The following NELL1 variants were observed in gnomAD, a reference collection of about 807,000 sequenced individuals.
The protein encoded by NELL1 is protein kinase C-binding protein NELL1.
NELL1 carries 76 observed loss-of-function variants against 107.4 expected under a neutral mutation model. The observed-to-expected ratio is 0.71, with a 90% CI of 0.59 to 0.86. The LOEUF is 0.86. NELL1 is among the 40% of genes least tolerant of loss of function. NELL1 has a pLI of 0.00. For synonymous variants in NELL1, 353 were observed against 341.2 expected (o/e 1.03, Z -0.38); for missense variants, 1,024 against 1,005.5 (o/e 1.02, Z -0.25).
chr11:20,731,608 G>A (rs1475041688), intron 2 of NELL1, among the ~76,000 whole-genome samples: 2 of 152,220 alleles, frequency 1.3e-5, no homozygotes, highest in African/African-American at 2.4e-5. Context: ...TTGGGATTAT[G>A]TGTGCATAGT....
At chr11:21,232,107 C>T (rs1039790712) in intron 14 of NELL1, among the ~76,000 whole-genome samples, 1 of 146,082 alleles carries the variant, frequency 6.8e-6, no homozygotes, top group Non-Finnish European at 1.5e-5. Flanking sequence ...CTAGACCAGC[C>T]TGGCCAACAT....
intron 14 of NELL1, among the ~76,000 whole-genome samples, chr11:21,293,371 T>G (rs900536878): frequency 2.0e-5 from 3 of 152,016 alleles, no homozygotes; most frequent in Non-Finnish European, 4.4e-5. Context: ...CAAATCAAGA[T>G]CACAGTGAGA....
In NELL1 at chr11:21,186,800, G is replaced by A. The variant is rs143261899; in HGVS notation, c.1427-42532G>A. On this transcript the variant is annotated intron_variant, in intron 13 of 19. Coordinates refer to ENST00000357134, the MANE Select transcript of NELL1 (RefSeq NM_006157.5). ...AAATAGAGGGAAATGAATAAGTAGTGGATTGTTTGATACCATGTAGGAGAA... is the reference window on the plus strand; with the variant it reads ...AAATAGAGGGAAATGAATAAGTAGTAGATTGTTTGATACCATGTAGGAGAA... Among the ~76,000 whole-genome samples the A allele has an allele frequency of 2.0e-5, 3 of 151,886 alleles. No homozygotes were observed. The East Asian group carries it at 5.8e-4, about 29-fold the overall frequency.
At chr11:20,918,571 A>G (rs1273811173) in intron 6 of NELL1, among the ~76,000 whole-genome samples, 1 of 152,036 alleles carries the variant, frequency 6.6e-6, no homozygotes. Flanking sequence ...AAGGCAAAAC[A>G]GGAGCAAAGT....
intron 15 of NELL1, among the ~76,000 whole-genome samples, chr11:21,404,116 T>C (rs1385394235): frequency 6.8e-6 from 1 of 146,810 alleles, no homozygotes. Context: ...CATGTGACAG[T>C]CAAGCAACTT....
intron 13 of NELL1, among the ~76,000 whole-genome samples, chr11:21,161,614 C>A (rs1321594048): frequency 6.6e-6 from 1 of 151,994 alleles, no homozygotes; most frequent in African/African-American, 2.4e-5. Context: ...ACAGGACTGA[C>A]CAAATATAAT....
intron 2 of NELL1, among the ~76,000 whole-genome samples, chr11:20,737,244 A>C (rs1590246667): frequency 6.6e-6 from 1 of 152,206 alleles, no homozygotes; most frequent in African/African-American, 2.4e-5. Context: ...CTCCTTTAAA[A>C]ATAACCAGAG....
At chr11:21,541,313 A>G (rs915746163) in intron 16 of NELL1, among the ~76,000 whole-genome samples, 2 of 152,092 alleles carry the variant, frequency 1.3e-5, no homozygotes, top group Non-Finnish European at 2.9e-5. Flanking sequence ...CTCTCAGGCC[A>G]CTGTAAATGG....
chr11:21,093,170 T>C (rs1854560087), intron 12 of NELL1, among the ~76,000 whole-genome samples: 1 of 152,152 alleles, frequency 6.6e-6, no homozygotes, highest in Non-Finnish European at 1.5e-5. Context: ...ACTGTGGATT[T>C]GGGAAGACAT....
intron 15 of NELL1, among the ~76,000 whole-genome samples, chr11:21,476,460 A>G (rs746639741): frequency 2.6e-5 from 4 of 152,216 alleles, no homozygotes; most frequent in Non-Finnish European, 5.9e-5. Context: ...TCACTTCTCT[A>G]AAAGATAATT....
intron 14 of NELL1, among the ~76,000 whole-genome samples, chr11:21,368,256 A>T (rs183850108): frequency 6.6e-6 from 1 of 152,112 alleles, no homozygotes; most frequent in African/African-American, 2.4e-5. Flanking sequence ...GAGAAATGTG[A>T]CTAGTCTCAG....
intron 12 of NELL1, among the ~76,000 whole-genome samples, chr11:21,066,363 C>T (rs954406093): frequency 6.6e-5 from 10 of 152,120 alleles, no homozygotes; most frequent in African/African-American, 2.4e-4. Flanking sequence ...TCTTCTCTTA[C>T]TGTATTAGTG....
chr11:20,866,799 G>C (rs1849103231), intron 4 of NELL1, among the ~76,000 whole-genome samples: 2 of 152,146 alleles, frequency 1.3e-5, no homozygotes, highest in South Asian at 4.1e-4. Flanking sequence ...TCAGTTACCT[G>C]TTTACAATTT....
intron 14 of NELL1, among the ~76,000 whole-genome samples, chr11:21,315,869 G>C (rs1849868422): frequency 1.1e-5 from 1 of 95,154 alleles, no homozygotes; most frequent in Non-Finnish European, 2.2e-5. Context: ...TGTTGGTGGT[G>C]GTGGTGGTGG....
At chr11:20,917,471 C>T (rs1850282298) in intron 5 of NELL1, among the ~76,000 whole-genome samples, 1 of 151,942 alleles carries the variant, frequency 6.6e-6, no homozygotes, top group Non-Finnish European at 1.5e-5. Context: ...GCTCAGTATT[C>T]TGAACCAGCT....
At chr11:21,290,901 G>GGC (rs1369967434) in intron 14 of NELL1, among the ~76,000 whole-genome samples, 3 of 152,144 alleles carry the variant, frequency 2.0e-5, no homozygotes, top group Non-Finnish European at 4.4e-5. Context: ...AGTGCAAAAA[G>GGC]GCTGAAAATT....
rs1282849342 is a variant in NELL1 at position 21,113,713 on chromosome 11, A to G, written c.1425A>G (p.Thr475=). ...TTCGTGTGGATGACTTCTCTTGTAC[A>G]GGTGAGCTTTAAGAAGCAGTGTTGT... ...GYIRVDDFSC[T]EHDECGSGQH... The change falls in exon 13 of 20, where the codon ACA becomes ACG. Residue 475 remains threonine (T), a splice_region_variant and synonymous_variant. Coordinates refer to ENST00000357134, the MANE Select transcript of NELL1 (RefSeq NM_006157.5). 6.2e-7 allele frequency: 1 copy of G among 1,610,282 alleles called. No homozygotes were observed. The highest frequency in any genetic ancestry group is 1.1e-5 in the South Asian group (1 of 90,508).
intron 14 of NELL1, among the ~76,000 whole-genome samples, chr11:21,353,627 T>C (rs537099327): frequency 6.6e-6 from 1 of 152,292 alleles, no homozygotes; most frequent in South Asian, 2.1e-4. Flanking sequence ...CCAGCGGCTG[T>C]GTGCAGCATG....
intron 3 of NELL1, among the ~76,000 whole-genome samples, chr11:20,811,500 G>T (rs149541355): frequency 1.3e-5 from 2 of 152,054 alleles, no homozygotes; most frequent in East Asian, 3.9e-4. Flanking sequence ...TATTTTGATA[G>T]GGATTGCATG....
Sources: gnomAD v4.1 joint callset for allele counts (sites outside exome capture counted in the v4.1 genomes callset) on GRCh38, gnomAD v4.1.1 for gene constraint, MANE v1.5 for transcripts, NCBI Gene and HGNC (gene_info 2026-07-23, HGNC 2026-07-21) for gene names.